Variants in CHST3 observed in about 807,000 individuals in gnomAD.
CHST3 encodes carbohydrate sulfotransferase 3.
In CHST3, 20 loss-of-function variants were observed where a neutral mutation model predicts 35.4. The observed-to-expected ratio is 0.57, with a 90% CI of 0.40 to 0.82. The LOEUF is 0.82. Ranked by LOEUF, CHST3 falls within the 40% of genes least tolerant of loss-of-function variation. The pLI is 0.00. For missense variants in CHST3, 693 were observed against 670.1 expected (o/e 1.03, Z -0.38); for synonymous variants, 334 against 295.9 (o/e 1.13, Z -1.32).
chr10:72,000,504 G>C (rs944178627), intron 1 of CHST3, among the ~76,000 whole-genome samples: 9 of 149,492 alleles, frequency 6.0e-5, no homozygotes, highest in Non-Finnish European at 1.3e-4. Flanking sequence ...GCTGAGTCCT[G>C]ATTGCTTAGA....
At chr10:71,994,192 G>T (rs1345927624) in intron 1 of CHST3, among the ~76,000 whole-genome samples, 1 of 151,944 alleles carries the variant, frequency 6.6e-6, no homozygotes, top group East Asian at 1.9e-4. Context: ...TTGAGCCCAG[G>T]AGTTTGAGGC....
chr10:72,005,917 C>A lies in CHST3; in HGVS notation c.75C>A (p.Ala25=). Residue 25 remains alanine, a synonymous_variant, in exon 2 of 3, where the codon GCC becomes GCA. Transcript: ENST00000373115. ...GCCTGAAGATGAGAAGCAAATACGC[C>A]CTTTTCTTGGTTTTTGTGGTGATAG... ...VHSLKMRSKY[A]LFLVFVVIVF... 1 of 1,614,126 alleles carries A rather than the reference C, an allele frequency of 6.2e-7. No homozygotes were observed. The highest frequency in any genetic ancestry group is 2.2e-5 in the East Asian group (1 of 44,886).
chr10:71,965,761 C>G (rs1839626840), intron 1 of CHST3, among the ~76,000 whole-genome samples: 1 of 152,168 alleles, frequency 6.6e-6, no homozygotes, highest in Non-Finnish European at 1.5e-5. Flanking sequence ...TGCGGCAAGG[C>G]CAGTGGGCCT....
intron 1 of CHST3, among the ~76,000 whole-genome samples, chr10:72,000,120 T>C (rs902501393): frequency 6.3e-5 from 8 of 127,524 alleles, no homozygotes; most frequent in African/African-American, 2.6e-5. Context: ...CAGCCACTCA[T>C]GTATGGAGCA....
At chr10:71,976,268 T>G (rs1402465037) in intron 1 of CHST3, among the ~76,000 whole-genome samples, 3 of 152,160 alleles carry the variant, frequency 2.0e-5, no homozygotes, top group Admixed American at 2.0e-4. Flanking sequence ...TACTTGTCCC[T>G]GGAAGGGCCT....
chr10:71,966,716 G>A (rs974200350), intron 1 of CHST3, among the ~76,000 whole-genome samples: 4 of 152,108 alleles, frequency 2.6e-5, no homozygotes, highest in Admixed American at 6.5e-5. Context: ...TCTGTGAATC[G>A]AGAGTTCTGT....
chr10:71,966,747 A>G (rs1839635489), intron 1 of CHST3, among the ~76,000 whole-genome samples: 1 of 152,182 alleles, frequency 6.6e-6, no homozygotes. Context: ...TAATTAAATC[A>G]TTATATCCCT....
rs1840034047 is a variant in CHST3 at position 72,005,906 on chromosome 10, A to G, written c.64A>G (p.Ser22Gly). The G allele has an allele frequency of 6.2e-7, 1 of 1,614,116 alleles. No homozygotes were observed. The highest frequency in any genetic ancestry group is 1.7e-5 in the Admixed American group (1 of 60,014). Residue 22 changes from serine (S) to glycine (G), a missense_variant, in exon 2 of 3, where the codon AGC (serine) becomes GGC (glycine). Physicochemically the swap from Ser to Gly is moderately conservative, Grantham distance 56. Transcript: ENST00000373115. ...RDFVHSLKMR[S>G]KYALFLVFVV... The stretch of plus-strand genomic sequence containing the variant: ...CTTTGTGCACAGCCTGAAGATGAGA[A>G]GCAAATACGCCCTTTTCTTGGTTTT...
chr10:72,006,303 G>A (rs943220760), intron 2 of CHST3, among the ~76,000 whole-genome samples: 3 of 152,232 alleles, frequency 2.0e-5, no homozygotes, highest in Non-Finnish European at 4.4e-5. Flanking sequence ...AATGGGACCA[G>A]CATTGTTGTA....
rs545967470 is a variant in CHST3 at position 72,011,716 on chromosome 10, G to A, written c.*3245G>A. On this transcript the variant is annotated 3_prime_UTR_variant, in exon 3 of 3. Transcript: ENST00000373115. ...GTTCTTTCTTGTTGATGAGTTCTGC[G>A]GCCCAGCATATAGAAATGGCTCAGA... 21 of 152,242 alleles carry A rather than the reference G, an allele frequency of 1.4e-4. No individual in the cohort carries two copies. Among genetic ancestry groups the A allele is most frequent in the Non-Finnish European group, 2.6e-4 (18 of 68,060 alleles). The allele number at this position is 152,242 out of a possible 1,614,324, so 9.4% of individuals were successfully genotyped here. A position where few individuals can be genotyped will look rare whatever the true frequency, so the allele number is the denominator to read the frequency against.
Position 72,011,754 on chromosome 10 carries a change from T to G in CHST3, c.*3283T>G, listed in dbSNP as rs1840112589. 6.6e-6 allele frequency: 1 copy of G among 152,262 alleles called. No homozygotes were observed. The highest frequency in any genetic ancestry group is 2.1e-4 in the South Asian group (1 of 4,830). 9.4% of individuals were successfully genotyped at this position (152,262 alleles called of 1,614,324 possible). A position where few individuals can be genotyped will look rare whatever the true frequency, so the allele number is the denominator to read the frequency against. On this transcript the variant is annotated 3_prime_UTR_variant, in exon 3 of 3. Coordinates refer to ENST00000373115, the MANE Select transcript of CHST3 (RefSeq NM_004273.5). Reference sequence around the variant, plus strand: ...GAAATGGCTCAGAACGTTCCAGGCCTTGGTGAGACACAGCAGCGTCCAATG... The same window carrying G: ...GAAATGGCTCAGAACGTTCCAGGCCGTGGTGAGACACAGCAGCGTCCAATG...
chr10:72,007,809 G>C lies in CHST3; in HGVS notation c.778G>C (p.Ala260Pro). ...RRCGPLNVTL[A>P]AEACRRKEHM... is the part of the protein sequence containing the mutation. ...CTGCGGCCCCCTCAACGTGACGCTG[G>C]CCGCAGAGGCCTGCCGCCGCAAGGA... is the stretch of plus-strand genomic sequence containing the variant. Residue 260 changes from alanine (A) to proline (P), a missense_variant, in exon 3 of 3, where the codon GCC (alanine) becomes CCC (proline). Ala to Pro is a conservative substitution (Grantham distance 27). Transcript: ENST00000373115. The C allele has an allele frequency of 6.2e-7, 1 of 1,600,844 alleles. No individual in the cohort carries two copies. The highest frequency in any genetic ancestry group is 8.5e-7 in the Non-Finnish European group (1 of 1,179,082).
intron 1 of CHST3, among the ~76,000 whole-genome samples, chr10:71,999,438 C>T (rs1289335124): frequency 6.6e-6 from 1 of 152,266 alleles, no homozygotes; most frequent in African/African-American, 2.4e-5. Context: ...GTCACCAGCT[C>T]TTGCCCTCCC....
rs1454210605 is a variant in CHST3, at chr10:72,008,015, G to C, written c.984G>C (p.Glu328Asp). The part of the protein sequence containing the change: ...YKTWKKWLDD[E>D]GQDGLREEEV... ...CCTGGAAGAAGTGGCTGGACGACGA[G>C]GGCCAGGACGGCCTGAGGGAAGAGG... Residue 328 changes from glutamate to aspartate, a missense_variant, in exon 3 of 3, where the codon GAG becomes GAC. Physicochemically the swap from Glu to Asp is conservative, Grantham distance 45. Transcript: ENST00000373115. 6.5e-7 allele frequency: 1 copy of C among 1,549,402 alleles called. No individual in the cohort carries two copies. The highest frequency in any genetic ancestry group is 8.7e-7 in the Non-Finnish European group (1 of 1,146,520).
chr10:71,975,380 G>A (rs527291505), intron 1 of CHST3, among the ~76,000 whole-genome samples: 1 of 152,100 alleles, frequency 6.6e-6, no homozygotes, highest in African/African-American at 2.4e-5. Flanking sequence ...TCTGCCATCC[G>A]GCCACAAATA....
chr10:72,008,067 G>T lies in CHST3; in HGVS notation c.1036G>T (p.Glu346Ter). The T allele has an allele frequency of 6.5e-7, 1 of 1,546,616 alleles. No homozygotes were observed. ...EEVQRLRGNCESIRLSAELGL... is the reference protein window; with the variant it reads ...EEVQRLRGNC ...GGTGCAGCGGCTGCGGGGCAACTGC[G>T]AGAGCATCCGCCTGTCCGCGGAGCT... The change falls in exon 3 of 3, where the codon GAG becomes TAG. Residue 346 changes from glutamate (E) to a stop codon, truncating the protein, a stop_gained. Transcript: ENST00000373115. LOFTEE classifies it high-confidence loss of function.
intron 1 of CHST3, among the ~76,000 whole-genome samples, chr10:71,984,348 G>A (rs760061810): frequency 1.5e-4 from 23 of 152,288 alleles, no homozygotes; most frequent in Admixed American, 3.9e-4. Context: ...TCCTGTGCTC[G>A]GGCCGCCCCA....
chr10:72,001,861 G>A (rs975395544), intron 1 of CHST3, among the ~76,000 whole-genome samples: 2 of 152,196 alleles, frequency 1.3e-5, no homozygotes, highest in African/African-American at 4.8e-5. Flanking sequence ...AGCAAGGGAG[G>A]CAGGCCTAGC....
chr10:72,007,658 G>T lies in CHST3; in HGVS notation c.627G>T (p.Pro209=). The change falls in exon 3 of 3, where the codon CCG becomes CCT. Residue 209 remains proline, a synonymous_variant. Transcript: ENST00000373115. ...DLYVLEHFIT[P]LPEDHLTQFM... ...ACGTGCTGGAGCACTTCATCACGCC[G>T]CTGCCCGAGGACCACCTGACTCAGT... 6.2e-7 allele frequency: 1 copy of T among 1,609,118 alleles called. No individual in the cohort carries two copies. Among genetic ancestry groups the T allele is most frequent in the Non-Finnish European group, 8.5e-7 (1 of 1,179,404 alleles).
Sources: gnomAD v4.1 joint callset for allele counts (sites outside exome capture counted in the v4.1 genomes callset) on GRCh38, gnomAD v4.1.1 for gene constraint, MANE v1.5 for transcripts, NCBI Gene and HGNC (gene_info 2026-07-23, HGNC 2026-07-21) for gene names.